DPH6: variants seen among roughly 807,000 people sequenced by gnomAD.
DPH6 encodes the protein diphthamine biosynthesis 6.
In DPH6, 33 loss-of-function variants were observed where a neutral mutation model predicts 38.2. That is an observed-to-expected ratio of 0.86 (90% CI 0.65 to 1.15). The LOEUF is 1.15. DPH6 is among the 50% of genes most tolerant of loss of function. The pLI, the probability that DPH6 is intolerant of heterozygous loss-of-function variation, is 0.00. For missense variants in DPH6, 325 were observed against 320.0 expected (o/e 1.02, Z -0.12); for synonymous variants, 108 against 103.0 (o/e 1.05, Z -0.30).
At chr15:35,162,544 AG>A in the DPH6 span, among the ~76,000 whole-genome samples, 1 of 151,910 alleles carries the variant, frequency 6.6e-6, no homozygotes, top group African/African-American at 2.4e-5. Context: ...CACTTCATCT[AG>A]GTCTGTACAA....
intron 3 of DPH6, among the ~76,000 whole-genome samples, chr15:35,221,938 G>A (rs1405446627): frequency 6.6e-6 from 1 of 152,106 alleles, no homozygotes; most frequent in Admixed American, 6.6e-5. Context: ...AGATATCCTG[G>A]TTCATGGCTC....
intron 6 of DPH6, among the ~76,000 whole-genome samples, chr15:35,395,318 T>C (rs1445309904): frequency 6.6e-6 from 1 of 152,200 alleles, no homozygotes; most frequent in Admixed American, 6.5e-5. Flanking sequence ...CTTACACTCC[T>C]TTTCATTTCC....
At chr15:35,294,666 C>G (rs1050796542) in intron 3 of DPH6, among the ~76,000 whole-genome samples, 26 of 152,176 alleles carry the variant, frequency 1.7e-4, no homozygotes, top group African/African-American at 6.0e-4. Context: ...CAACAGTGAA[C>G]CAAAACAGGT....
intron 3 of DPH6, among the ~76,000 whole-genome samples, chr15:35,240,456 T>C (rs567265274): frequency 1.4e-5 from 2 of 141,878 alleles, no homozygotes; most frequent in South Asian, 2.5e-4. Flanking sequence ...CTCCCCTCCT[T>C]GCCAGCCCAA....
chr15:35,316,530 G>C lies in DPH6; in HGVS notation n.200+56991C>G, dbSNP rs139765006. Reference sequence around the variant, plus strand: ...ATACTGGAAGCTGAAGAGAGGCTTAGTGATTTAGAAGAAATGCCAGAAAGT... The same window carrying C: ...ATACTGGAAGCTGAAGAGAGGCTTACTGATTTAGAAGAAATGCCAGAAAGT... On this transcript the variant is annotated intron_variant and non_coding_transcript_variant, in intron 3 of 3. Transcript: ENST00000560386. 3.7e-3 allele frequency among the ~76,000 whole-genome samples: 567 copies of C among 152,252 alleles called. 6 individuals carry two copies. The highest frequency in any genetic ancestry group is 0.013 in the African/African-American group (547 of 41,552).
intron 6 of DPH6, among the ~76,000 whole-genome samples, chr15:35,402,067 G>T (rs2053227609): frequency 6.6e-6 from 1 of 152,216 alleles, no homozygotes; most frequent in Non-Finnish European, 1.5e-5. Context: ...ATTGCTAAAT[G>T]TAATAGTCTA....
chr15:35,432,829 G>A (rs1013261927), intron 5 of DPH6, among the ~76,000 whole-genome samples: 1 of 152,148 alleles, frequency 6.6e-6, no homozygotes, highest in Admixed American at 6.5e-5. Context: ...GACACAAAGA[G>A]GGGAACAATA....
intron 3 of DPH6, among the ~76,000 whole-genome samples, chr15:35,496,501 G>A (rs920494089): frequency 1.4e-5 from 2 of 141,252 alleles, no homozygotes; most frequent in Non-Finnish European, 3.0e-5. Context: ...GTTGCAGTGA[G>A]CTGAAATTGG....
chr15:35,486,414 G>A (rs1278000923), intron 3 of DPH6, among the ~76,000 whole-genome samples: 1 of 152,158 alleles, frequency 6.6e-6, no homozygotes, highest in African/African-American at 2.4e-5. Flanking sequence ...GCATGGCTGG[G>A]TAGGCCTCAG....
chr15:35,228,889 G>C (rs549788623), intron 3 of DPH6, among the ~76,000 whole-genome samples: 153 of 152,258 alleles, frequency 1.0e-3, no homozygotes, highest in Non-Finnish European at 1.3e-3. Context: ...CTCCTGGCCT[G>C]TAAGGTTTCC....
chr15:35,306,800 A>G (rs923850467), intron 3 of DPH6, among the ~76,000 whole-genome samples: 2 of 152,180 alleles, frequency 1.3e-5, no homozygotes, highest in African/African-American at 4.8e-5. Flanking sequence ...AGAACCTGTA[A>G]TTACCTCAGC....
intron 5 of DPH6, among the ~76,000 whole-genome samples, chr15:35,416,404 T>C (rs1164962652): frequency 1.3e-5 from 2 of 152,048 alleles, no homozygotes; most frequent in East Asian, 3.9e-4. Flanking sequence ...GTAGGTTTTT[T>C]TGGCATGAAC....
At chr15:35,513,781 T>C (rs1455720187) in intron 3 of DPH6, among the ~76,000 whole-genome samples, 2 of 151,968 alleles carry the variant, frequency 1.3e-5, no homozygotes, top group African/African-American at 4.8e-5. Flanking sequence ...AATTAAAGCA[T>C]ATCTTTAAGA....
chr15:35,360,154 T>C (rs1396420032), intron 3 of DPH6, among the ~76,000 whole-genome samples: 1 of 151,956 alleles, frequency 6.6e-6, no homozygotes, highest in Non-Finnish European at 1.5e-5. Flanking sequence ...AACAGACTGA[T>C]TTTTGCAGGT....
chr15:35,267,070 A>G (rs1167673056), intron 3 of DPH6, among the ~76,000 whole-genome samples: 1 of 152,208 alleles, frequency 6.6e-6, no homozygotes, highest in African/African-American at 2.4e-5. Context: ...GGATCTGGAT[A>G]TATGAAGGAT....
At chr15:35,247,702 T>C (rs2051645865) in intron 3 of DPH6, among the ~76,000 whole-genome samples, 1 of 152,204 alleles carries the variant, frequency 6.6e-6, no homozygotes, top group South Asian at 2.1e-4. Context: ...ATGCATACAA[T>C]TTATAAATCT....
In DPH6 at chr15:35,393,628, A is replaced by G. The variant is rs79874160; in HGVS notation, c.568-11712T>C. Reference sequence around the variant, plus strand: ...TTCCTTTCCTCTGGGTGTAGAGAGGATGGCTCCGGAATGAAGGTCTTATGA... The same window carrying G: ...TTCCTTTCCTCTGGGTGTAGAGAGGGTGGCTCCGGAATGAAGGTCTTATGA... On this transcript the variant is annotated intron_variant, in intron 6 of 8. Coordinates refer to ENST00000256538, the MANE Select transcript of DPH6 (RefSeq NM_080650.4). Among the ~76,000 whole-genome samples, 1,199 of 152,042 alleles carry G rather than the reference A, an allele frequency of 7.9e-3. 19 individuals are homozygous for G. The highest frequency in any genetic ancestry group is 0.027 in the African/African-American group (1,128 of 41,470).
chr15:35,149,253 T>C, the DPH6 span, among the ~76,000 whole-genome samples: 1 of 152,188 alleles, frequency 6.6e-6, no homozygotes, highest in Non-Finnish European at 1.5e-5. Context: ...TTGTTTGTTT[T>C]TTGAGATGGA....
chr15:35,476,660 T>C (rs2054267523), intron 3 of DPH6, among the ~76,000 whole-genome samples: 1 of 151,874 alleles, frequency 6.6e-6, no homozygotes, highest in Admixed American at 6.6e-5. Context: ...GATTACAAAC[T>C]CATCAAGATC....
Sources: gnomAD v4.1 joint callset for allele counts (sites outside exome capture counted in the v4.1 genomes callset) on GRCh38, gnomAD v4.1.1 for gene constraint, MANE v1.5 for transcripts, NCBI Gene and HGNC (gene_info 2026-07-23, HGNC 2026-07-21) for gene names.